The following NUP93 variants were observed in gnomAD, a reference collection of about 807,000 sequenced individuals.
The protein encoded by NUP93 is nucleoporin 93.
NUP93 carries 55 observed loss-of-function variants against 107.8 expected under a neutral mutation model. That is an observed-to-expected ratio of 0.51 (90% CI 0.41 to 0.64). The LOEUF is 0.64. Ranked by LOEUF, NUP93 falls within the 30% of genes least tolerant of loss-of-function variation. NUP93 has a pLI of 0.00. For missense variants in NUP93, 937 were observed against 1,044.7 expected (o/e 0.90, Z 1.42); for synonymous variants, 390 against 397.5 (o/e 0.98, Z 0.22).
chr16:56,808,217 G>GTAACTATATAAAATATATAGTTATA (rs1567398427), intron 5 of NUP93, among the ~76,000 whole-genome samples: 3 of 36,416 alleles, frequency 8.2e-5, no homozygotes, highest in Non-Finnish European at 1.4e-4. Flanking sequence ...ATATAGTTAT[G>GTAACTATATAAAATATATAGTTATA]TAACTATATA....
intron 4 of NUP93, among the ~76,000 whole-genome samples, chr16:56,802,926 T>C (rs1336858057): frequency 2.6e-5 from 4 of 152,198 alleles, no homozygotes; most frequent in African/African-American, 9.6e-5. Flanking sequence ...GTTGTTTTAA[T>C]TCTCAGATTT....
At position 56,794,088 on chromosome 16, in the gene NUP93, AGG is replaced by A. The variant is rs1491296074; in HGVS notation, c.298-4387_298-4386del. ...TAGATAGATAGGTAGGTAGGTAGGT[AGG>A]TAGATAGATAGATAGATAGATAGAT... On this transcript the variant is annotated intron_variant, in intron 3 of 21. Coordinates refer to ENST00000308159, the MANE Select transcript of NUP93 (RefSeq NM_014669.5). Among the ~76,000 whole-genome samples the A allele has an allele frequency of 2.8e-3, 249 of 89,704 alleles. 2 individuals are homozygous for A. Among genetic ancestry groups the A allele is most frequent in the African/African-American group, 8.4e-3 (204 of 24,332 alleles). 58.8% of individuals were successfully genotyped at this position (89,704 alleles called of 152,430 possible).
chr16:56,754,801 C>A (rs1395648699), intron 2 of NUP93, among the ~76,000 whole-genome samples: 2 of 152,244 alleles, frequency 1.3e-5, no homozygotes, highest in African/African-American at 4.8e-5. Context: ...CCCCTCCACA[C>A]TGCTTAGTAG....
At chr16:56,806,600 C>T (rs1397196104) in intron 5 of NUP93, among the ~76,000 whole-genome samples, 1 of 152,028 alleles carries the variant, frequency 6.6e-6, no homozygotes, top group Non-Finnish European at 1.5e-5. Flanking sequence ...TGTTGGCAAA[C>T]CTTAGGTCCT....
chr16:56,756,179 G>A (rs1171345298), intron 2 of NUP93, among the ~76,000 whole-genome samples: 17 of 151,736 alleles, frequency 1.1e-4, no homozygotes, highest in African/African-American at 3.4e-4. Context: ...CAGAATGTCC[G>A]GGTTTGTTAC....
At chr16:56,805,963 A>G (rs569882124) in intron 5 of NUP93, among the ~76,000 whole-genome samples, 3 of 151,020 alleles carry the variant, frequency 2.0e-5, no homozygotes, top group East Asian at 1.9e-4. Flanking sequence ...CCTATCATCT[A>G]TATGTCAAAG....
chr16:56,752,700 A>G (rs1268189218), intron 2 of NUP93, among the ~76,000 whole-genome samples: 3 of 152,220 alleles, frequency 2.0e-5, no homozygotes, highest in Admixed American at 6.5e-5. Flanking sequence ...AGCCAAAACA[A>G]TCTTTAAAAA....
At chr16:56,818,521 A>T (rs1413634280) in intron 5 of NUP93, 143 bp from the exon 6 acceptor site, 2 of 647,130 alleles carry the variant, frequency 3.1e-6, no homozygotes, top group Non-Finnish European at 5.4e-6. Flanking sequence ...AATCCCTAAA[A>T]TCATCACTTT....
At chr16:56,765,107 T>G (rs1442023323) in intron 3 of NUP93, among the ~76,000 whole-genome samples, 3 of 152,216 alleles carry the variant, frequency 2.0e-5, no homozygotes, top group African/African-American at 4.8e-5. Context: ...TATGCCTGAG[T>G]AGGCTCTTCT....
At position 56,798,470 on chromosome 16, in the gene NUP93, T is replaced by G; in HGVS notation, c.298-6T>G. ...TTAAGTTGTGTTAATTTTCCCCCATTTATAGGGCTTCCTGAAGAATGAGAA... is the reference window on the plus strand; with the variant it reads ...TTAAGTTGTGTTAATTTTCCCCCATGTATAGGGCTTCCTGAAGAATGAGAA... On this transcript the variant is annotated splice_region_variant and splice_polypyrimidine_tract_variant and intron_variant, in intron 3 of 21. Transcript: ENST00000308159. 6.2e-7 allele frequency: 1 copy of G among 1,613,450 alleles called. No homozygotes were observed. Among genetic ancestry groups the G allele is most frequent in the Non-Finnish European group, 8.5e-7 (1 of 1,179,362 alleles).
chr16:56,761,122 A>G (rs1962118905), intron 3 of NUP93, among the ~76,000 whole-genome samples: 1 of 152,226 alleles, frequency 6.6e-6, no homozygotes, highest in Admixed American at 6.5e-5. Flanking sequence ...GTTTTGAAAT[A>G]AGTTCTCTGT....
At position 56,777,470 on chromosome 16, in the gene NUP93, GT is replaced by G. The variant is rs749480579; in HGVS notation, c.297+18819del. On this transcript the variant is annotated intron_variant, in intron 3 of 21. Transcript: ENST00000308159. ...AGCAAGAGAGAATGAACTGTAATTT[GT>G]TTTAGTGCTAAATAAGGCTGTGCAG... Among the ~76,000 whole-genome samples the G allele has an allele frequency of 4.6e-5, 7 of 152,242 alleles. No homozygotes were observed. The East Asian group carries it at 1.2e-3, about 25-fold the overall frequency.
intron 3 of NUP93, among the ~76,000 whole-genome samples, chr16:56,769,913 G>C (rs1158308566): frequency 6.6e-6 from 1 of 152,174 alleles, no homozygotes; most frequent in Non-Finnish European, 1.5e-5. Flanking sequence ...TGTATAATAT[G>C]ATTTGTCTGT....
intron 1 of NUP93, among the ~76,000 whole-genome samples, chr16:56,732,751 A>C (rs192324646): frequency 5.9e-5 from 9 of 152,306 alleles, no homozygotes; most frequent in African/African-American, 2.2e-4. Context: ...TTATTTAAAG[A>C]ATATGGAGTT....
At chr16:56,808,518 CTA>C (rs1199956226) in intron 5 of NUP93, among the ~76,000 whole-genome samples, 7 of 109,690 alleles carry the variant, frequency 6.4e-5, no homozygotes, top group African/African-American at 2.0e-4. Flanking sequence ...AGTTATGTAA[CTA>C]TATATAAATA....
intron 1 of NUP93, among the ~76,000 whole-genome samples, chr16:56,738,941 A>AT (rs149982335): frequency 9.5e-6 from 1 of 104,914 alleles, no homozygotes; most frequent in Non-Finnish European, 1.9e-5. Context: ...TAAATGCTAA[A>AT]TTTCTTTTTT....
rs530468301 is a variant in NUP93, at chr16:56,785,671, T to C, written c.298-12805T>C. ...AGTAAAATGGCGTCACCAGGAACAC[T>C]GTGATAAGGGGTGGACCGCACGAAT... On this transcript the variant is annotated intron_variant, in intron 3 of 21. Transcript: ENST00000308159. Among the ~76,000 whole-genome samples the C allele has an allele frequency of 3.5e-4, 53 of 152,316 alleles. 1 individual carries two copies. The South Asian group carries it at 5.6e-3, about 16-fold the overall frequency.
chr16:56,841,964 C>T (rs774242256), intron 21 of NUP93, 131 bp downstream of exon 21: 74 of 1,091,548 alleles, frequency 6.8e-5, no homozygotes, highest in Non-Finnish European at 9.2e-5. Context: ...GGATAAATCT[C>T]GTGTTAGGAG....
Position 56,846,207 on chromosome 16 carries a change from T to A in NUP93, c.*1598T>A, listed in dbSNP as rs1390232098. ...CAGGTGATCACCTGAGATCAGGAGT[T>A]CAAGACCAGCCTGGCCAACATTGTG... is the stretch of plus-strand genomic sequence containing the variant. On this transcript the variant is annotated 3_prime_UTR_variant, in exon 22 of 22. Coordinates refer to ENST00000308159, the MANE Select transcript of NUP93 (RefSeq NM_014669.5). The A allele has an allele frequency of 1.3e-5, 2 of 150,986 alleles. No homozygotes were observed. The highest frequency in any genetic ancestry group is 2.9e-5 in the Non-Finnish European group (2 of 67,922). 9.4% of individuals were successfully genotyped at this position (150,986 alleles called of 1,614,324 possible). A position where few individuals can be genotyped will look rare whatever the true frequency, so the allele number is the denominator to read the frequency against.
Sources: gnomAD v4.1 joint callset for allele counts (sites outside exome capture counted in the v4.1 genomes callset) on GRCh38, gnomAD v4.1.1 for gene constraint, MANE v1.5 for transcripts, NCBI Gene and HGNC (gene_info 2026-07-23, HGNC 2026-07-21) for gene names.